The following ATP8A2 variants were observed in gnomAD, a reference collection of about 807,000 sequenced individuals.
The protein encoded by ATP8A2 is phospholipid-transporting ATPase IB.
In ATP8A2, 100 loss-of-function variants were observed where a neutral mutation model predicts 165.6. The observed-to-expected ratio is 0.60, with a 90% confidence interval of 0.51 to 0.71. The LOEUF (loss-of-function observed/expected upper bound fraction) is 0.71, where lower values mean the gene tolerates loss of function less well. Ranked by LOEUF, ATP8A2 falls within the 30% of genes least tolerant of loss-of-function variation. ATP8A2 has a pLI of 0.00. For synonymous variants in ATP8A2, 543 were observed against 548.8 expected, an observed-to-expected ratio of 0.99 and a Z score of 0.15; for missense variants, 1,227 against 1,479.5, an observed-to-expected ratio of 0.83 and a Z score of 2.80.
intron 1 of ATP8A2, among the ~76,000 whole-genome samples, chr13:25,414,695 A>G (rs972436426): frequency 1.3e-5 from 2 of 152,238 alleles, no homozygotes; most frequent in African/African-American, 2.4e-5. Context: ...TTTCTTAAAT[A>G]TTAATAATCC....
intron 33 of ATP8A2, among the ~76,000 whole-genome samples, chr13:25,942,357 T>C (rs752287060): frequency 1.3e-5 from 2 of 152,258 alleles, no homozygotes; most frequent in Non-Finnish European, 2.9e-5. Context: ...CTGTGGCTTT[T>C]CTCTAACTTT....
chr13:25,399,056 A>C (rs933030482), intron 1 of ATP8A2, among the ~76,000 whole-genome samples: 1 of 152,180 alleles, frequency 6.6e-6, no homozygotes, highest in African/African-American at 2.4e-5. Flanking sequence ...CAATCTGTGG[A>C]CTGGCAGAAG....
intron 25 of ATP8A2, among the ~76,000 whole-genome samples, chr13:25,724,825 A>C (rs766669093): frequency 6.6e-6 from 1 of 152,210 alleles, no homozygotes; most frequent in Non-Finnish European, 1.5e-5. Flanking sequence ...CAAAGGGTGT[A>C]GACAATTGAG....
At chr13:25,431,569 A>G (rs548150564) in intron 1 of ATP8A2, among the ~76,000 whole-genome samples, 1 of 152,340 alleles carries the variant, frequency 6.6e-6, no homozygotes, top group South Asian at 2.1e-4. Flanking sequence ...GCTCTGGAAA[A>G]CAATTTGAGA....
chr13:25,913,739 A>G, intron 33 of ATP8A2, among the ~76,000 whole-genome samples: 1 of 152,226 alleles, frequency 6.6e-6, no homozygotes, highest in East Asian at 1.9e-4. Context: ...GGTGAAAAGC[A>G]GCATTTTTTG....
chr13:25,954,629 G>A (rs578013850), intron 33 of ATP8A2, among the ~76,000 whole-genome samples: 5 of 152,280 alleles, frequency 3.3e-5, no homozygotes, highest in Admixed American at 6.5e-5. Context: ...GGCATCTGGC[G>A]GGTGCCCCTC....
rs1314859506 is a variant in ATP8A2 at position 26,025,293 on chromosome 13, C to G, written c.*5308C>G. On this transcript the variant is annotated 3_prime_UTR_variant, in exon 37 of 37. Transcript: ENST00000381655. The stretch of plus-strand genomic sequence containing the variant: ...ACTCTCCCCCGTTGCCCGAGATGGC[C>G]AAGTTCAGGCCTGTGCAATGCCGCT... 2.0e-5 allele frequency: 3 copies of G among 152,182 alleles called. No homozygotes were observed. Among genetic ancestry groups the G allele is most frequent in the African/African-American group, 7.2e-5 (3 of 41,434 alleles). The allele number at this position is 152,182 out of a possible 1,614,324, so 9.4% of individuals were successfully genotyped here.
intron 33 of ATP8A2, among the ~76,000 whole-genome samples, chr13:25,874,729 G>A (rs1275182401): frequency 6.6e-6 from 1 of 152,108 alleles, no homozygotes; most frequent in Non-Finnish European, 1.5e-5. Context: ...ATACCCAAAA[G>A]GATTGAAAAC....
At chr13:25,516,612 A>G (rs1193405014) in intron 2 of ATP8A2, among the ~76,000 whole-genome samples, 2 of 152,160 alleles carry the variant, frequency 1.3e-5, no homozygotes, top group African/African-American at 4.8e-5. Flanking sequence ...TTGAGGCCAG[A>G]TATTTTTATA....
At chr13:26,015,848 G>A (rs1956958663) in intron 36 of ATP8A2, among the ~76,000 whole-genome samples, 1 of 152,212 alleles carries the variant, frequency 6.6e-6, no homozygotes, top group Admixed American at 6.5e-5. Context: ...AAACATGAGT[G>A]AAAGTAGGGA....
intron 1 of ATP8A2, among the ~76,000 whole-genome samples, chr13:25,444,670 G>A (rs2035024080): frequency 6.6e-6 from 1 of 150,762 alleles, no homozygotes; most frequent in African/African-American, 2.4e-5. Flanking sequence ...TTTTGAGACA[G>A]AGTCTCACTG....
chr13:25,397,281 T>C (rs55845767), intron 1 of ATP8A2, among the ~76,000 whole-genome samples: 6,154 of 152,286 alleles, frequency 0.04, 446 homozygotes, highest in African/African-American at 0.14. Context: ...CTCCTTCTTA[T>C]AGGACCTGGT....
At chr13:25,652,203 TAGAC>T (rs1422391614) in intron 24 of ATP8A2, among the ~76,000 whole-genome samples, 1 of 152,222 alleles carries the variant, frequency 6.6e-6, no homozygotes, top group Non-Finnish European at 1.5e-5. Context: ...ATATATATCA[TAGAC>T]AGTTCTTGAT....
At chr13:25,904,895 A>G (rs945690344) in intron 33 of ATP8A2, among the ~76,000 whole-genome samples, 49 of 152,300 alleles carry the variant, frequency 3.2e-4, no homozygotes, top group South Asian at 8.3e-4. Flanking sequence ...CAAATTGCCA[A>G]ATATGGTTGT....
At chr13:25,474,262 A>T (rs537304190) in intron 2 of ATP8A2, among the ~76,000 whole-genome samples, 46 of 152,332 alleles carry the variant, frequency 3.0e-4, no homozygotes, top group Admixed American at 1.2e-3. Context: ...AATTTTAAAT[A>T]GAATATTACC....
intron 25 of ATP8A2, among the ~76,000 whole-genome samples, chr13:25,741,611 A>G (rs2043914215): frequency 1.3e-5 from 2 of 151,784 alleles, no homozygotes; most frequent in Admixed American, 1.3e-4. Flanking sequence ...TGATCTGGAC[A>G]AGCAATCCTC....
At chr13:25,689,332 A>T (rs1225085724) in intron 24 of ATP8A2, among the ~76,000 whole-genome samples, 1 of 152,238 alleles carries the variant, frequency 6.6e-6, no homozygotes, top group Non-Finnish European at 1.5e-5. Flanking sequence ...CTGTAAGCCA[A>T]ATAAAGATCT....
chr13:25,372,169 C>G lies in ATP8A2; in HGVS notation c.-44C>G. 7.3e-7 allele frequency: 1 copy of G among 1,370,852 alleles called. No homozygotes were observed. The highest frequency in any genetic ancestry group is 9.6e-7 in the Non-Finnish European group (1 of 1,039,954). The allele number at this position is 1,370,852 out of a possible 1,614,324, so 84.9% of individuals were successfully genotyped here. On this transcript the variant is annotated 5_prime_UTR_variant, in exon 1 of 37. Coordinates refer to ENST00000381655, the MANE Select transcript of ATP8A2 (RefSeq NM_016529.6). This position sits in a 1 kb window ranked among gnomAD's most constrained non-coding sequence, Gnocchi z 4.8. ...CCCTGCGCCCAGCCCTGCGCGTAGC[C>G]TCCGTCTCTCGCCCGGGGCCGCCGA...
intron 16 of ATP8A2, 130 bp from the exon 17 acceptor site, chr13:25,570,637 A>G: frequency 1.5e-6 from 1 of 660,814 alleles, no homozygotes; most frequent in South Asian, 2.3e-5. Flanking sequence ...TGAGGTCCAT[A>G]TTAAGGACCT....
Sources: gnomAD v4.1 joint callset for allele counts (sites outside exome capture counted in the v4.1 genomes callset) on GRCh38, gnomAD v4.1.1 for gene constraint, Gnocchi (gnomAD v3.1) non-coding constraint, MANE v1.5 for transcripts, NCBI Gene and HGNC (gene_info 2026-07-23, HGNC 2026-07-21) for gene names.